The following PTPRD variants were observed in gnomAD, a reference collection of about 807,000 sequenced individuals.
PTPRD encodes the protein protein tyrosine phosphatase receptor type D.
In PTPRD, 34 loss-of-function variants were observed where a neutral mutation model predicts 214.5. The ratio of observed to expected loss-of-function variants is 0.16; its 90% CI spans 0.12 to 0.21. PTPRD has a LOEUF of 0.21. Ranked by LOEUF, PTPRD falls within the 10% of genes least tolerant of loss-of-function variation. PTPRD has a pLI of 1.00. For missense variants in PTPRD, 2,545 were observed against 2,398.7 expected (o/e 1.06, Z -1.27); for synonymous variants, 1,128 against 845.7 (o/e 1.33, Z -5.79).
chr9:9,457,236 A>G (rs2093134884), intron 8 of PTPRD, among the ~76,000 whole-genome samples: 1 of 151,946 alleles, frequency 6.6e-6, no homozygotes, highest in Non-Finnish European at 1.5e-5. Context: ...TGATGATAAA[A>G]ATAGATTAAT....
intron 2 of PTPRD, among the ~76,000 whole-genome samples, chr9:10,427,216 G>C (rs911462340): frequency 1.3e-5 from 2 of 151,960 alleles, no homozygotes; most frequent in African/African-American, 4.8e-5. Flanking sequence ...TTTTGGCCAG[G>C]ATTTATACTA....
chr9:8,806,774 T>G (rs1241729709), intron 11 of PTPRD, among the ~76,000 whole-genome samples: 1 of 152,196 alleles, frequency 6.6e-6, no homozygotes, highest in Non-Finnish European at 1.5e-5. Flanking sequence ...CTTAGATTAC[T>G]GTTAGAAATA....
At chr9:10,421,702 T>C (rs1331399287) in intron 2 of PTPRD, among the ~76,000 whole-genome samples, 1 of 152,058 alleles carries the variant, frequency 6.6e-6, no homozygotes, top group East Asian at 2.0e-4. Context: ...ATTCTACCTA[T>C]CAATATCAGT....
At chr9:8,735,676 G>A (rs1455043780) in intron 11 of PTPRD, among the ~76,000 whole-genome samples, 1 of 152,024 alleles carries the variant, frequency 6.6e-6, no homozygotes, top group Non-Finnish European at 1.5e-5. Context: ...TTCGGAAGCC[G>A]AGGCAGGAGG....
At chr9:8,337,374 T>G (rs1847960670) in intron 43 of PTPRD, among the ~76,000 whole-genome samples, 1 of 151,512 alleles carries the variant, frequency 6.6e-6, no homozygotes, top group Non-Finnish European at 1.5e-5. Context: ...AACCAAACAC[T>G]GCACTCAAAA....
chr9:8,994,181 C>T (rs549423558), intron 11 of PTPRD, among the ~76,000 whole-genome samples: 7 of 152,044 alleles, frequency 4.6e-5, no homozygotes, highest in Admixed American at 6.6e-5. Context: ...TCTCAGTCTC[C>T]CTCCCTCAAC....
intron 10 of PTPRD, among the ~76,000 whole-genome samples, chr9:9,049,401 A>G (rs1405287630): frequency 6.6e-6 from 1 of 152,066 alleles, no homozygotes; most frequent in East Asian, 1.9e-4. Context: ...AAGTTAACCA[A>G]CCTCTTTATT....
At chr9:8,400,657 T>C (rs1231479727) in intron 36 of PTPRD, among the ~76,000 whole-genome samples, 2 of 152,174 alleles carry the variant, frequency 1.3e-5, no homozygotes, top group Admixed American at 1.3e-4. Flanking sequence ...ATGAGTGATG[T>C]GGGAAAGTGG....
intron 14 of PTPRD, among the ~76,000 whole-genome samples, chr9:8,533,236 G>A (rs747683316): frequency 1.3e-5 from 2 of 151,992 alleles, no homozygotes; most frequent in Non-Finnish European, 2.9e-5. Context: ...CTCCTTCCAA[G>A]GTGGTCCTAA....
At chr9:9,827,000 A>T (rs2053116290) in intron 5 of PTPRD, among the ~76,000 whole-genome samples, 2 of 152,154 alleles carry the variant, frequency 1.3e-5, no homozygotes, top group Non-Finnish European at 2.9e-5. Flanking sequence ...AATGAAATAA[A>T]TGAGGATACA....
intron 12 of PTPRD, among the ~76,000 whole-genome samples, chr9:8,712,911 G>GT (rs1404782284): frequency 1.3e-5 from 2 of 152,014 alleles, no homozygotes; most frequent in Non-Finnish European, 2.9e-5. Context: ...TAGAGACGGG[G>GT]TTTCACCATG....
intron 11 of PTPRD, among the ~76,000 whole-genome samples, chr9:8,799,406 C>T (rs2096525392): frequency 6.6e-6 from 1 of 152,126 alleles, no homozygotes; most frequent in African/African-American, 2.4e-5. Context: ...TTGAAGTTTC[C>T]CTGCTGGAAG....
At chr9:8,905,738 CAAA>C (rs58429749) in intron 11 of PTPRD, among the ~76,000 whole-genome samples, 3 of 98,994 alleles carry the variant, frequency 3.0e-5, no homozygotes, top group Non-Finnish European at 2.2e-5. Flanking sequence ...GACTCCCTCG[CAAA>C]AAAAAAAAAA....
At chr9:9,618,083 A>AAAAAAAAAAAAAAAAAAAAAAG (rs2095006457) in intron 7 of PTPRD, among the ~76,000 whole-genome samples, 1 of 140,388 alleles carries the variant, frequency 7.1e-6, no homozygotes, top group Non-Finnish European at 1.6e-5. Flanking sequence ...AAAAAAAAAA[A>AAAAAAAAAAAAAAAAAAAAAAG]AAAAAAAAAA....
intron 14 of PTPRD, among the ~76,000 whole-genome samples, chr9:8,566,140 G>GTGTGTA (rs1319209696): frequency 1.3e-5 from 2 of 149,278 alleles, no homozygotes; most frequent in Non-Finnish European, 3.0e-5. Flanking sequence ...GTGTGTGTGT[G>GTGTGTA]TATAGCAAGT....
At chr9:10,568,820 CAGA>C (rs1478384890) in intron 2 of PTPRD, among the ~76,000 whole-genome samples, 1 of 152,000 alleles carries the variant, frequency 6.6e-6, no homozygotes, top group Non-Finnish European at 1.5e-5. Context: ...ATAAAATCCC[CAGA>C]AGAAAACCTA....
chr9:8,502,836 G>A (rs1322049982), intron 23 of PTPRD, among the ~76,000 whole-genome samples: 2 of 130,302 alleles, frequency 1.5e-5, no homozygotes, highest in African/African-American at 6.4e-5. Context: ...TATTCAATAT[G>A]TATGTGTGTG....
At chr9:9,578,175 G>T (rs1224655599) in intron 7 of PTPRD, among the ~76,000 whole-genome samples, 1 of 150,978 alleles carries the variant, frequency 6.6e-6, no homozygotes, top group Non-Finnish European at 1.5e-5. Flanking sequence ...AGAAATTATT[G>T]ATAATTTTAT....
intron 9 of PTPRD, among the ~76,000 whole-genome samples, chr9:9,353,932 T>C (rs896388533): frequency 2.0e-5 from 3 of 151,738 alleles, no homozygotes; most frequent in Non-Finnish European, 4.4e-5. Context: ...TCCAAGTTCT[T>C]TCAGGTTATT....
Sources: allele counts gnomAD v4.1 joint callset (sites outside exome capture counted in the v4.1 genomes callset), GRCh38; gene constraint gnomAD v4.1.1; transcripts MANE v1.5; gene names NCBI Gene and HGNC (gene_info 2026-07-23, HGNC 2026-07-21).